Variants in NHEJ1 observed in about 807,000 individuals in gnomAD.
NHEJ1 encodes non-homologous end joining factor 1.
Under a neutral mutation model 39.4 loss-of-function variants are expected in NHEJ1, and 22 were observed. The observed-to-expected ratio is 0.56, with a 90% CI of 0.40 to 0.80. The LOEUF (loss-of-function observed/expected upper bound fraction) is 0.80. Ranked by LOEUF, NHEJ1 falls within the 30% of genes least tolerant of loss-of-function variation. The pLI, the probability that NHEJ1 is intolerant of heterozygous loss-of-function variation, is 0.00. For synonymous variants in NHEJ1, 154 were observed against 135.6 expected (o/e 1.14, Z -0.94); for missense variants, 329 against 357.1 (o/e 0.92, Z 0.63).
intron 6 of NHEJ1, 32 bp from the exon 7 acceptor site, chr2:219,077,396 A>C (rs769000952): frequency 1.4e-6 from 2 of 1,476,076 alleles, no homozygotes; most frequent in Non-Finnish European, 1.9e-6. Flanking sequence ...GAAGATAGTG[A>C]TAAATGCCTT....
chr2:219,139,881 G>A (rs1369252440), intron 5 of NHEJ1, among the ~76,000 whole-genome samples: 6 of 151,958 alleles, frequency 3.9e-5, no homozygotes, highest in African/African-American at 7.2e-5. Flanking sequence ...GGGTTTCACC[G>A]TGTTAGCCAG....
intron 5 of NHEJ1, among the ~76,000 whole-genome samples, chr2:219,082,280 G>A (rs17608726): frequency 0.06 from 9,130 of 152,260 alleles, 877 homozygotes; most frequent in East Asian, 0.46. Flanking sequence ...AAACCAAAGT[G>A]ACAGAAACCC....
chr2:219,099,755 T>C (rs1674547540), intron 5 of NHEJ1, among the ~76,000 whole-genome samples: 1 of 151,650 alleles, frequency 6.6e-6, no homozygotes, highest in Non-Finnish European at 1.5e-5. Context: ...AGAAAAGACA[T>C]GGGAAAAGGC....
intron 5 of NHEJ1, among the ~76,000 whole-genome samples, chr2:219,129,923 T>A (rs1197027225): frequency 6.6e-6 from 1 of 152,086 alleles, no homozygotes; most frequent in Admixed American, 6.5e-5. Flanking sequence ...GTTTCTCTCA[T>A]TTTATCTCTT....
Position 219,074,841 on chromosome 2 carries a change from C to T in NHEJ1, c.*1540G>A, listed in dbSNP as rs1948997724. Among the ~76,000 whole-genome samples, 1 of 151,946 alleles carries T rather than the reference C, an allele frequency of 6.6e-6. No homozygotes were observed. The highest frequency in any genetic ancestry group is 1.5e-5 in the Non-Finnish European group (1 of 68,010). On this transcript the variant is annotated 3_prime_UTR_variant, in exon 8 of 8. Coordinates refer to ENST00000356853, the MANE Select transcript of NHEJ1 (RefSeq NM_024782.3). ...CGATGACAGTCACTACCACACAGCA[C>T]ACTCTAGGGTCCTGTGGTCTGGGGG...
chr2:219,076,744 T>G (rs529965523), intron 7 of NHEJ1, among the ~76,000 whole-genome samples: 1 of 152,232 alleles, frequency 6.6e-6, no homozygotes, highest in South Asian at 2.1e-4. Flanking sequence ...TTTCACTTGG[T>G]TGCCCAGGCT....
At chr2:219,156,020 T>G (rs1949851586) in intron 3 of NHEJ1, among the ~76,000 whole-genome samples, 1 of 151,548 alleles carries the variant, frequency 6.6e-6, no homozygotes, top group South Asian at 2.1e-4. Context: ...GAGGCCGAGG[T>G]GGGTGGATCA....
At chr2:219,138,732 A>G (rs2106356308) in intron 5 of NHEJ1, among the ~76,000 whole-genome samples, 1 of 152,344 alleles carries the variant, frequency 6.6e-6, no homozygotes, top group Admixed American at 6.5e-5. Flanking sequence ...AATAAAAAGT[A>G]GAGGATGGTA....
chr2:219,137,587 A>C (rs1430389895), intron 5 of NHEJ1, among the ~76,000 whole-genome samples: 36 of 138,932 alleles, frequency 2.6e-4, no homozygotes, highest in Middle Eastern at 3.7e-3. Flanking sequence ...AAAAAAAAAA[A>C]AAAAACAAAA....
At chr2:219,093,793 A>T (rs897772210) in intron 5 of NHEJ1, among the ~76,000 whole-genome samples, 4 of 152,250 alleles carry the variant, frequency 2.6e-5, no homozygotes, top group African/African-American at 9.6e-5. Context: ...AAAATATTTT[A>T]AAAAGACACA....
Position 219,074,960 on chromosome 2 carries a change from C to T in NHEJ1, c.*1421G>A, listed in dbSNP as rs551512306. ...AAAGCATGAGGGTAAGTCCTGGAGTCCTCAAGAGCTCCTTCCTTGAAGAGC... is the reference window on the plus strand; with the variant it reads ...AAAGCATGAGGGTAAGTCCTGGAGTTCTCAAGAGCTCCTTCCTTGAAGAGC... On this transcript the variant is annotated 3_prime_UTR_variant, in exon 8 of 8. Transcript: ENST00000356853. Among the ~76,000 whole-genome samples, 7 of 152,182 alleles carry T rather than the reference C, an allele frequency of 4.6e-5. No individual in the cohort carries two copies. Among genetic ancestry groups the T allele is most frequent in the Middle Eastern group, 3.4e-3 (1 of 294 alleles).
chr2:219,150,996 A>C (rs916514105), intron 3 of NHEJ1, among the ~76,000 whole-genome samples: 1 of 151,706 alleles, frequency 6.6e-6, no homozygotes, highest in African/African-American at 2.4e-5. Flanking sequence ...GGTGTGCTAA[A>C]GCATGCCTAT....
At chr2:219,095,952 A>C (rs990040580) in intron 5 of NHEJ1, among the ~76,000 whole-genome samples, 8 of 152,164 alleles carry the variant, frequency 5.3e-5, no homozygotes, top group Admixed American at 3.3e-4. Context: ...GTGGAGACTC[A>C]TATTAAGGGG....
intron 5 of NHEJ1, among the ~76,000 whole-genome samples, chr2:219,103,681 C>G (rs1414197480): frequency 6.6e-6 from 1 of 152,188 alleles, no homozygotes; most frequent in Non-Finnish European, 1.5e-5. Flanking sequence ...GTGCCAGACA[C>G]TATGAAAAGC....
At chr2:219,110,853 T>C (rs1949359369) in intron 5 of NHEJ1, among the ~76,000 whole-genome samples, 2 of 152,172 alleles carry the variant, frequency 1.3e-5, no homozygotes, top group Admixed American at 1.3e-4. Context: ...CATATGCTAC[T>C]GTTCATCACA....
chr2:219,083,321 C>G (rs1202974539), intron 5 of NHEJ1, among the ~76,000 whole-genome samples: 1 of 152,038 alleles, frequency 6.6e-6, no homozygotes. Flanking sequence ...GACACAGACC[C>G]AACTGCAGTA....
At chr2:219,159,590 T>TATATATGCATATATCTATGC in intron 1 of NHEJ1, among the ~76,000 whole-genome samples, 1 of 102,202 alleles carries the variant, frequency 9.8e-6, no homozygotes, top group African/African-American at 4.1e-5. Context: ...TATATATGCA[T>TATATATGCATATATCTATGC]ATATATATAT....
intron 5 of NHEJ1, among the ~76,000 whole-genome samples, chr2:219,128,571 C>T (rs535730255): frequency 3.3e-5 from 5 of 152,136 alleles, no homozygotes; most frequent in South Asian, 2.1e-4. Flanking sequence ...CAGGAGTTGG[C>T]GGCCAGGTTA....
intron 5 of NHEJ1, among the ~76,000 whole-genome samples, chr2:219,115,429 C>T (rs562444031): frequency 7.2e-5 from 11 of 152,036 alleles, no homozygotes; most frequent in South Asian, 2.1e-4. Flanking sequence ...TGGTGAGAGA[C>T]GGTAGAGGGG....
Sources: allele counts gnomAD v4.1 joint callset (sites outside exome capture counted in the v4.1 genomes callset), GRCh38; gene constraint gnomAD v4.1.1; transcripts MANE v1.5; gene names NCBI Gene and HGNC (gene_info 2026-07-23, HGNC 2026-07-21).